Variants in CDH7 observed in about 807,000 individuals in gnomAD.
The protein encoded by CDH7 is cadherin 7, also known as cadherin-7.
In CDH7, 25 loss-of-function variants were observed where a neutral mutation model predicts 71.8. That is an observed-to-expected ratio of 0.35 (90% CI 0.25 to 0.49). The LOEUF (loss-of-function observed/expected upper bound fraction) is 0.49. Among genes scored for constraint, CDH7 ranks in the 20% least tolerant of loss-of-function variants. The pLI is 0.99. For missense variants in CDH7, 862 were observed against 974.6 expected (o/e 0.88, Z 1.54); for synonymous variants, 381 against 363.8 (o/e 1.05, Z -0.54).
intron 6 of CDH7, among the ~76,000 whole-genome samples, chr18:65,834,361 G>A (rs1912460272): frequency 6.6e-6 from 1 of 152,112 alleles, no homozygotes; most frequent in African/African-American, 2.4e-5. Flanking sequence ...ACATTCTTAT[G>A]TCTAGGAGTT....
chr18:65,792,337 G>A (rs1910744755), intron 2 of CDH7, among the ~76,000 whole-genome samples: 1 of 152,006 alleles, frequency 6.6e-6, no homozygotes, highest in African/African-American at 2.4e-5. Flanking sequence ...GGGCTCAAAA[G>A]GAGGTCAATG....
Position 65,824,707 on chromosome 18 carries a change from C to G in CDH7, c.857C>G (p.Ala286Gly). Residue 286 changes from alanine (A) to glycine (G), a missense_variant, in exon 6 of 12, where the codon GCT becomes GGT. Physicochemically the swap from Ala to Gly is moderately conservative, Grantham distance 60. Coordinates refer to ENST00000397968, the MANE Select transcript of CDH7 (RefSeq NM_004361.5). ...PVASVVARIK[A>G]ADADIGANAE... is the part of the protein sequence containing the mutation. ...GCCTCAGTTGTGGCCAGAATTAAAGCTGCTGATGCAGATATTGGAGCTAAT... is the reference window on the plus strand; with the variant it reads ...GCCTCAGTTGTGGCCAGAATTAAAGGTGCTGATGCAGATATTGGAGCTAAT... The G allele has an allele frequency of 6.2e-7, 1 of 1,612,262 alleles. No homozygotes were observed. The highest frequency in any genetic ancestry group is 8.5e-7 in the Non-Finnish European group (1 of 1,178,688).
intron 2 of CDH7, among the ~76,000 whole-genome samples, chr18:65,799,643 T>C (rs1911047405): frequency 6.6e-6 from 1 of 151,580 alleles, no homozygotes; most frequent in South Asian, 2.1e-4. Flanking sequence ...GCCACTGCAG[T>C]GCAGCCTGGG....
intron 6 of CDH7, among the ~76,000 whole-genome samples, chr18:65,825,333 A>C (rs1165827256): frequency 1.3e-5 from 2 of 151,928 alleles, no homozygotes; most frequent in African/African-American, 4.8e-5. Context: ...CGTACAAGAA[A>C]AGCATGAAAA....
At chr18:65,770,536 T>A (rs893236500) in intron 2 of CDH7, among the ~76,000 whole-genome samples, 1 of 152,212 alleles carries the variant, frequency 6.6e-6, no homozygotes, top group Non-Finnish European at 1.5e-5. Flanking sequence ...TGAAATAAAT[T>A]AGTAATGGCA....
At chr18:65,810,032 G>A (rs771033670) in intron 3 of CDH7, 34 bp downstream of exon 3, 9 of 1,547,312 alleles carry the variant, frequency 5.8e-6, no homozygotes, top group South Asian at 4.5e-5. Context: ...TGTAGCTTGT[G>A]GCCGATTTGG....
chr18:65,813,883 G>A (rs1911630862), intron 3 of CDH7, among the ~76,000 whole-genome samples: 1 of 152,064 alleles, frequency 6.6e-6, no homozygotes, highest in South Asian at 2.1e-4. Context: ...TTTTACGAGG[G>A]GTTTGGTTTA....
At chr18:65,799,551 C>T (rs1461640218) in intron 2 of CDH7, among the ~76,000 whole-genome samples, 1 of 152,092 alleles carries the variant, frequency 6.6e-6, no homozygotes, top group Non-Finnish European at 1.5e-5. Flanking sequence ...TGGCGGGTGC[C>T]TGTAGTCCCA....
intron 2 of CDH7, among the ~76,000 whole-genome samples, chr18:65,781,063 A>G (rs1388422977): frequency 1.3e-5 from 2 of 151,920 alleles, no homozygotes; most frequent in African/African-American, 4.8e-5. Flanking sequence ...CAATGCAGCT[A>G]TAAAACACAA....
chr18:65,850,216 T>C (rs2144009335), intron 7 of CDH7, among the ~76,000 whole-genome samples: 1 of 148,044 alleles, frequency 6.8e-6, no homozygotes, highest in South Asian at 2.1e-4. Context: ...AAAAGTCACA[T>C]TAATAAAGGA....
At chr18:65,810,213 T>C (rs936029043) in intron 3 of CDH7, among the ~76,000 whole-genome samples, 2 of 152,212 alleles carry the variant, frequency 1.3e-5, no homozygotes, top group Admixed American at 6.5e-5. Context: ...ATTAGGAAAT[T>C]GTTTTTATAC....
At chr18:65,799,751 G>A (rs184930122) in intron 2 of CDH7, among the ~76,000 whole-genome samples, 1 of 151,926 alleles carries the variant, frequency 6.6e-6, no homozygotes, top group African/African-American at 2.4e-5. Context: ...CCCAGAAGCT[G>A]TGTGACATAC....
intron 2 of CDH7, among the ~76,000 whole-genome samples, chr18:65,773,677 G>T (rs2143812110): frequency 6.6e-6 from 1 of 152,160 alleles, no homozygotes; most frequent in East Asian, 1.9e-4. Context: ...AAATACAAAT[G>T]CACATGAAAG....
intron 7 of CDH7, among the ~76,000 whole-genome samples, chr18:65,857,063 G>T (rs1046494821): frequency 1.2e-4 from 18 of 150,518 alleles, no homozygotes; most frequent in African/African-American, 4.4e-4. Flanking sequence ...GGTGCCGTCA[G>T]AACAAAAGAT....
chr18:65,779,002 G>T (rs1410220144), intron 2 of CDH7, among the ~76,000 whole-genome samples: 1 of 150,662 alleles, frequency 6.6e-6, no homozygotes, highest in Non-Finnish European at 1.5e-5. Context: ...GAAACACTTA[G>T]TCTCTAGACA....
At chr18:65,869,231 T>C (rs1426039737) in intron 11 of CDH7, among the ~76,000 whole-genome samples, 1 of 151,910 alleles carries the variant, frequency 6.6e-6, no homozygotes, top group Non-Finnish European at 1.5e-5. Context: ...GGTCTTTTTT[T>C]TTTTCCTCCT....
At chr18:65,752,348 G>C (rs1048085377) in intron 1 of CDH7, among the ~76,000 whole-genome samples, 2 of 152,188 alleles carry the variant, frequency 1.3e-5, no homozygotes, top group Non-Finnish European at 2.9e-5. Flanking sequence ...GAGTTTAAGA[G>C]CAGTAGCAGT....
intron 11 of CDH7, chr18:65,863,345 T>C (rs573372807): frequency 5.6e-6 from 1 of 179,130 alleles, no homozygotes; most frequent in East Asian, 1.4e-4. Context: ...GCCTGGATGG[T>C]GTTTTGCTCA....
rs1555692668 is a variant in CDH7, at chr18:65,885,376, T to TTTTTTTG, written c.*4488_*4489insGTTTTTT. 9.7e-6 allele frequency: 1 copy of TTTTTTTG among 102,880 alleles called. No homozygotes were observed. Among genetic ancestry groups the TTTTTTTG allele is most frequent in the Non-Finnish European group, 2.0e-5 (1 of 49,252 alleles). The allele number at this position is 102,880 out of a possible 1,614,324, so 6.4% of individuals were successfully genotyped here. A position where few individuals can be genotyped will look rare whatever the true frequency, so the allele number is the denominator to read the frequency against. On this transcript the variant is annotated 3_prime_UTR_variant, in exon 12 of 12. Transcript: ENST00000397968. ...CTGAAAAGGATGTGTGCCTGTGTTT[T>TTTTTTTG]TTTTTTTTTTTTTTTTTTTGACGTG...
Sources: allele counts gnomAD v4.1 joint callset (sites outside exome capture counted in the v4.1 genomes callset), GRCh38; gene constraint gnomAD v4.1.1; transcripts MANE v1.5; gene names NCBI Gene and HGNC (gene_info 2026-07-23, HGNC 2026-07-21).